The following ARHGAP44 variants were observed in gnomAD, a reference collection of about 807,000 sequenced individuals.
ARHGAP44 encodes rho GTPase-activating protein 44.
A neutral mutation model predicts 106.8 loss-of-function variants in ARHGAP44; 43 were observed. The ratio of observed to expected loss-of-function variants is 0.40; its 90% CI spans 0.32 to 0.52. The LOEUF (loss-of-function observed/expected upper bound fraction) is 0.52, where lower values mean the gene tolerates loss of function less well. Among genes scored for constraint, ARHGAP44 ranks in the 20% least tolerant of loss-of-function variants. ARHGAP44 has a pLI of 0.48. For synonymous variants in ARHGAP44, 439 were observed against 410.3 expected (o/e 1.07, Z -0.85); for missense variants, 866 against 1,050.5 (o/e 0.82, Z 2.43).
chr17:12,911,876 G>A (rs9892894), intron 4 of ARHGAP44, among the ~76,000 whole-genome samples: 1 of 152,122 alleles, frequency 6.6e-6, no homozygotes, highest in Non-Finnish European at 1.5e-5. Context: ...CAGGAAATTA[G>A]AAGAGGTTTC....
At chr17:12,837,605 T>G (rs1428879388) in intron 1 of ARHGAP44, among the ~76,000 whole-genome samples, 1 of 147,906 alleles carries the variant, frequency 6.8e-6, no homozygotes, top group African/African-American at 2.5e-5. Flanking sequence ...TGCATGTTGT[T>G]TTTTTTTTTT....
chr17:12,904,314 G>T (rs1258769671), intron 3 of ARHGAP44, among the ~76,000 whole-genome samples: 1 of 152,152 alleles, frequency 6.6e-6, no homozygotes, highest in Non-Finnish European at 1.5e-5. Context: ...CACCATGTTA[G>T]CCAGGATGGT....
intron 1 of ARHGAP44, among the ~76,000 whole-genome samples, chr17:12,799,658 A>G (rs2034028524): frequency 1.3e-5 from 2 of 152,022 alleles, no homozygotes; most frequent in South Asian, 2.1e-4. Context: ...TTTTGAATCT[A>G]CAGTCTTCTC....
intron 6 of ARHGAP44, among the ~76,000 whole-genome samples, chr17:12,926,542 T>A (rs1567691330): frequency 7.2e-6 from 1 of 138,380 alleles, no homozygotes; most frequent in Non-Finnish European, 1.6e-5. Context: ...TACATATATA[T>A]TATATATATA....
intron 16 of ARHGAP44, among the ~76,000 whole-genome samples, chr17:12,963,532 A>T (rs948863014): frequency 6.6e-6 from 1 of 152,000 alleles, no homozygotes; most frequent in Non-Finnish European, 1.5e-5. Context: ...ACCTCTGCCA[A>T]TGCTGTGTGT....
chr17:12,888,786 A>C (rs2036956149), intron 1 of ARHGAP44, among the ~76,000 whole-genome samples: 1 of 152,134 alleles, frequency 6.6e-6, no homozygotes, highest in South Asian at 2.1e-4. Context: ...TGGTGGATAT[A>C]CACTTAGGAT....
At chr17:12,915,412 G>A (rs148053419) in intron 4 of ARHGAP44, among the ~76,000 whole-genome samples, 276 of 152,222 alleles carry the variant, frequency 1.8e-3, no homozygotes, top group Non-Finnish European at 2.4e-3. Flanking sequence ...GTCTTCTGTC[G>A]TTTGCTCATT....
At chr17:12,901,128 T>C (rs569479017) in intron 3 of ARHGAP44, among the ~76,000 whole-genome samples, 3 of 152,100 alleles carry the variant, frequency 2.0e-5, no homozygotes, top group African/African-American at 7.2e-5. Context: ...TTCACCATGT[T>C]GGCCAGGCTG....
chr17:12,814,573 G>A (rs2034541748), intron 1 of ARHGAP44, among the ~76,000 whole-genome samples: 1 of 151,958 alleles, frequency 6.6e-6, no homozygotes, highest in Non-Finnish European at 1.5e-5. Context: ...TCTGTACCCG[G>A]AGCAGATATA....
intron 1 of ARHGAP44, among the ~76,000 whole-genome samples, chr17:12,832,593 A>T (rs1013606851): frequency 2.6e-5 from 4 of 152,198 alleles, no homozygotes; most frequent in African/African-American, 9.6e-5. Flanking sequence ...GGCTGTTCTC[A>T]TCTTTGTTTC....
chr17:12,973,880 G>C lies in ARHGAP44; in HGVS notation c.1542-209G>C. ...CTCAGTGAGGGGGCCGCTCTTGCCA[G>C]GACTGGGCTGCCCAGGGCTGTGTCT... On this transcript the variant is annotated intron_variant, in intron 17 of 20. Transcript: ENST00000379672. The C allele has an allele frequency of 4.9e-6, 3 of 609,184 alleles. No individual in the cohort carries two copies. In the South Asian group the frequency reaches 5.9e-5, roughly 12 times the overall value. The allele number at this position is 609,184 out of a possible 1,614,324, so 37.7% of individuals were successfully genotyped here.
chr17:12,887,826 A>G (rs1004259675), intron 1 of ARHGAP44, among the ~76,000 whole-genome samples: 6 of 151,978 alleles, frequency 3.9e-5, no homozygotes, highest in African/African-American at 1.4e-4. Flanking sequence ...GAGAATATTC[A>G]AATGATCTAT....
At chr17:12,942,546 T>G (rs996363994) in intron 8 of ARHGAP44, among the ~76,000 whole-genome samples, 2 of 152,250 alleles carry the variant, frequency 1.3e-5, no homozygotes, top group Admixed American at 6.5e-5. Flanking sequence ...CGTTAGAGTT[T>G]TACTGATGAC....
At chr17:12,860,544 T>C (rs1465477683) in intron 1 of ARHGAP44, among the ~76,000 whole-genome samples, 1 of 152,246 alleles carries the variant, frequency 6.6e-6, no homozygotes, top group East Asian at 1.9e-4. Flanking sequence ...GGTGAAGCTC[T>C]ATCTCTACAA....
At chr17:12,942,381 G>A (rs916449106) in intron 8 of ARHGAP44, among the ~76,000 whole-genome samples, 7 of 152,088 alleles carry the variant, frequency 4.6e-5, no homozygotes, top group Non-Finnish European at 7.4e-5. Context: ...TCCTGACCTC[G>A]TGAGCTACCT....
chr17:12,984,368 A>C (rs569753643), intron 19 of ARHGAP44, 163 bp from the exon 20 acceptor site: 2 of 579,774 alleles, frequency 3.4e-6, no homozygotes, highest in East Asian at 3.4e-5. Flanking sequence ...GGCTGCTGTC[A>C]ATGTGGCAAG....
At chr17:12,942,733 T>C (rs575629195) in intron 8 of ARHGAP44, among the ~76,000 whole-genome samples, 52 of 152,362 alleles carry the variant, frequency 3.4e-4, no homozygotes, top group African/African-American at 1.2e-3. Context: ...GTTTTCCTTA[T>C]ACATGCCCAG....
At chr17:12,878,932 T>C (rs2036635723) in intron 1 of ARHGAP44, among the ~76,000 whole-genome samples, 1 of 152,248 alleles carries the variant, frequency 6.6e-6, no homozygotes, top group Admixed American at 6.5e-5. Flanking sequence ...GAGAGCTTAT[T>C]CCTCTTTTAT....
At chr17:12,854,127 C>A (rs1160850526) in intron 1 of ARHGAP44, among the ~76,000 whole-genome samples, 1 of 152,098 alleles carries the variant, frequency 6.6e-6, no homozygotes, top group Non-Finnish European at 1.5e-5. Context: ...TGATGAGTAG[C>A]CTTGCAAGAG....
Sources: gnomAD v4.1 joint callset for allele counts (sites outside exome capture counted in the v4.1 genomes callset) on GRCh38, gnomAD v4.1.1 for gene constraint, MANE v1.5 for transcripts, NCBI Gene and HGNC (gene_info 2026-07-23, HGNC 2026-07-21) for gene names.